MDN1: variants seen among roughly 807,000 people sequenced by gnomAD.
The protein encoded by MDN1 is midasin.
MDN1 carries 266 observed loss-of-function variants against 669.2 expected under a neutral mutation model. The observed-to-expected ratio is 0.40, with a 90% CI of 0.36 to 0.44. The LOEUF is 0.44. Ranked by LOEUF, MDN1 falls within the 20% of genes least tolerant of loss-of-function variation. The probability of loss-of-function intolerance (pLI) is 1.00; values close to 1 mark genes in which losing one functional copy is unlikely to be tolerated. For synonymous variants in MDN1, 2,385 were observed against 2,457.1 expected (o/e 0.97, Z 0.87); for missense variants, 5,940 against 6,754.0 (o/e 0.88, Z 4.22).
chr6:89,648,767 C>T (rs916548854), intron 97 of MDN1, among the ~76,000 whole-genome samples: 1 of 141,764 alleles, frequency 7.1e-6, no homozygotes, highest in African/African-American at 2.7e-5. Context: ...GTTGAGGCTA[C>T]AGTGAGCCAC....
intron 69 of MDN1, among the ~76,000 whole-genome samples, 180 bp from the exon 70 acceptor site, chr6:89,686,153 G>T (rs1262284470): frequency 6.6e-6 from 1 of 152,190 alleles, no homozygotes; most frequent in East Asian, 1.9e-4. Context: ...AGGCCGGTGT[G>T]GTGGCTCACG....
chr6:89,675,382 C>T (rs1426735713), intron 78 of MDN1, 82 bp downstream of exon 78: 1 of 1,150,582 alleles, frequency 8.7e-7, no homozygotes. Context: ...TCTTATTCCT[C>T]TCCCCACATG....
At chr6:89,672,057 T>C (rs1206320032) in intron 82 of MDN1, 143 bp downstream of exon 82, 3 of 783,528 alleles carry the variant, frequency 3.8e-6, no homozygotes, top group Admixed American at 3.7e-5. Flanking sequence ...ACTTTGCACG[T>C]ATAAATAAAG....
chr6:89,741,955 G>C (rs1816319376), intron 31 of MDN1, among the ~76,000 whole-genome samples: 1 of 151,910 alleles, frequency 6.6e-6, no homozygotes, highest in Non-Finnish European at 1.5e-5. Context: ...ACAAAAATTA[G>C]CTGGGAGTGG....
rs1435405422 is a variant in MDN1, at chr6:89,781,574, G to A, written c.1468C>T (p.Pro490Ser). The A allele has an allele frequency of 4.4e-6, 7 of 1,605,660 alleles. No homozygotes were observed. Among genetic ancestry groups the A allele is most frequent in the Non-Finnish European group, 6.0e-6 (7 of 1,174,944 alleles). Residue 490 changes from proline to serine, a missense_variant, in exon 10 of 102, where the codon CCT becomes TCT. Around this residue, in one of 5 missense-constraint regions of MDN1, gnomAD observed 1,203 missense variants for 1,268.9 expected, o/e 0.95. Transcript: ENST00000369393. ...TGATCAACCACTGCCAATAGGCTAGGATATCTGCTCTGAAGAACCTGACAG... is the reference window on the plus strand; with the variant it reads ...TGATCAACCACTGCCAATAGGCTAGAATATCTGCTCTGAAGAACCTGACAG... The part of the protein sequence containing the change: ...ELNEVLQSRY[P>S]SLLAVVDHLL...
rs565438867 is a variant in MDN1, at chr6:89,745,362, G to A, written c.4089C>T (p.Ile1363=). The stretch of plus-strand genomic sequence containing the variant: ...GTCTCCGCATGCCCTCAGTCCACAC[G>A]ATATGGCCAAAGTTACACTCCAATG... ...ISTLECNFGH[I]VWTEGMRRLA... is the part of the protein sequence containing the mutation. The change falls in exon 29 of 102, where the codon ATC becomes ATT. Residue 1363 remains isoleucine (I), a synonymous_variant. Coordinates refer to ENST00000369393, the MANE Select transcript of MDN1 (RefSeq NM_014611.3). 1.4e-5 allele frequency: 23 copies of A among 1,613,912 alleles called. No individual in the cohort carries two copies. Among genetic ancestry groups the A allele is most frequent in the African/African-American group, 9.3e-5 (7 of 74,990 alleles).
chr6:89,710,734 G>A lies in MDN1; in HGVS notation c.7712C>T (p.Ser2571Phe), dbSNP rs1171901435. ...AACATTACTGACTGCACCTGAGAGG[G>A]AATGTGAGTAAAAATTCCTGAGAGA... Reference protein sequence around the residue: ...AASLRNFYSHSLSGAVSNVFK... With the variant: ...AASLRNFYSHFLSGAVSNVFK... The change falls in exon 50 of 102, where the codon TCC (serine) becomes TTC (phenylalanine). Residue 2571 changes from serine (S) to phenylalanine (F), a missense_variant. By Grantham distance (155) the Ser-to-Phe change is radical. This residue lies in a region of MDN1 where 2,292 missense variants were observed against 2,638.3 expected (regional missense o/e 0.87). Coordinates refer to ENST00000369393, the MANE Select transcript of MDN1 (RefSeq NM_014611.3). The A allele has an allele frequency of 1.2e-6, 2 of 1,602,876 alleles. No individual in the cohort carries two copies. The highest frequency in any genetic ancestry group is 1.7e-5 in the Admixed American group (1 of 57,694).
At chr6:89,791,356 AT>A (rs913771746) in intron 5 of MDN1, among the ~76,000 whole-genome samples, 3 of 151,508 alleles carry the variant, frequency 2.0e-5, no homozygotes, top group Non-Finnish European at 4.4e-5. Context: ...TTATGTTGTA[AT>A]TTTTTTTTAG....
chr6:89,752,323 TG>T (rs1378177603), intron 22 of MDN1, among the ~76,000 whole-genome samples: 1 of 152,174 alleles, frequency 6.6e-6, no homozygotes, highest in African/African-American at 2.4e-5. Flanking sequence ...AAAGACCAAC[TG>T]GAAGAGACTG....
Position 89,670,139 on chromosome 6 carries a change from C to CATATATAT in MDN1, c.13956+772_13956+779dup, listed in dbSNP as rs1168606501. 1.2e-3 allele frequency among the ~76,000 whole-genome samples: 59 copies of CATATATAT among 48,908 alleles called. 1 individual carries two copies. Among genetic ancestry groups the CATATATAT allele is most frequent in the Admixed American group, 2.6e-3 (6 of 2,340 alleles). 32.1% of individuals were successfully genotyped at this position (48,908 alleles called of 152,430 possible). On this transcript the variant is annotated intron_variant, in intron 83 of 101. Transcript: ENST00000369393. The stretch of plus-strand genomic sequence containing the variant: ...TTTGGAGACTCTGTCTCCAAAAAAA[C>CATATATAT]ATATATATATATATATATATATATA...
chr6:89,772,603 A>G lies in MDN1; in HGVS notation c.2053T>C (p.Ser685Pro). 1 of 1,614,076 alleles carries G rather than the reference A, an allele frequency of 6.2e-7. No homozygotes were observed. Among genetic ancestry groups the G allele is most frequent in the East Asian group, 2.2e-5 (1 of 44,876 alleles). ...ATGTGAGCCAAGTATTGGATGGTAG[A>G]GGTTTTGCCAGTCCCGGTCTCTCCC... The part of the protein sequence containing the change: ...LVGETGTGKT[S>P]TIQYLAHITG... Residue 685 changes from serine (S) to proline (P), a missense_variant, in exon 14 of 102, where the codon TCT (serine) becomes CCT (proline). Ser to Pro is a moderately conservative substitution (Grantham distance 74). This residue lies in a region of MDN1 where 1,203 missense variants were observed against 1,268.9 expected (regional missense o/e 0.95). Transcript: ENST00000369393.
At chr6:89,659,685 T>G (rs1169968762) in intron 88 of MDN1, among the ~76,000 whole-genome samples, 1 of 151,722 alleles carries the variant, frequency 6.6e-6, no homozygotes, top group Admixed American at 6.6e-5. Flanking sequence ...AATAGGAAAA[T>G]TTTAGGCCAA....
chr6:89,756,503 T>C (rs1817253877), intron 19 of MDN1, 113 bp from the exon 20 acceptor site: 1 of 554,866 alleles, frequency 1.8e-6, no homozygotes, highest in Non-Finnish European at 3.2e-6. Context: ...GCTTGTAGTA[T>C]AAAATGTCTT....
intron 33 of MDN1, among the ~76,000 whole-genome samples, chr6:89,735,224 AGTATTGACTAAT>A (rs1463911440): frequency 3.3e-5 from 5 of 152,140 alleles, no homozygotes; most frequent in Non-Finnish European, 7.4e-5. Flanking sequence ...GGTTCATTAA[AGTATTGACTAAT>A]GTACCAATAC....
At chr6:89,655,580 CTGATA>C (rs762391672) in intron 92 of MDN1, among the ~76,000 whole-genome samples, 179 bp downstream of exon 92, 9 of 152,188 alleles carry the variant, frequency 5.9e-5, no homozygotes, top group Non-Finnish European at 1.2e-4. Context: ...CCTCTCTCCC[CTGATA>C]TAAGTGTATA....
intron 8 of MDN1, among the ~76,000 whole-genome samples, chr6:89,785,692 G>A (rs1165593394): frequency 6.6e-6 from 1 of 152,158 alleles, no homozygotes; most frequent in African/African-American, 2.4e-5. Context: ...AGGAAAGAAT[G>A]GCCCTTATAC....
At chr6:89,720,273 G>A (rs1190578770) in intron 40 of MDN1, among the ~76,000 whole-genome samples, 2 of 151,786 alleles carry the variant, frequency 1.3e-5, no homozygotes, top group Admixed American at 1.3e-4. Flanking sequence ...TGTTCTACCA[G>A]AGGGTTAAAA....
chr6:89,682,873 G>A (rs1051444661), intron 73 of MDN1, among the ~76,000 whole-genome samples: 17 of 150,982 alleles, frequency 1.1e-4, no homozygotes, highest in Admixed American at 9.9e-4. Flanking sequence ...TTTGAGTCCA[G>A]GAGGTTGAGA....
At position 89,732,718 on chromosome 6, in the gene MDN1, A is replaced by G. The variant is rs755638995; in HGVS notation, c.4781T>C (p.Phe1594Ser). 27 of 1,613,696 alleles carry G rather than the reference A, an allele frequency of 1.7e-5. No homozygotes were observed. The highest frequency in any genetic ancestry group is 2.2e-5 in the Non-Finnish European group (26 of 1,179,918). ...GATACTGACCACACACTTTCTGCCA[A>G]ACTCTTGGTGGGTCAGCCAGTCAAT... ...DFIDWLTHQEFGRKCVVSIRD... is the reference protein window; with the variant it reads ...DFIDWLTHQESGRKCVVSIRD... Residue 1594 changes from phenylalanine (F) to serine (S), a missense_variant, in exon 34 of 102, where the codon TTT becomes TCT. By Grantham distance (155) the Phe-to-Ser change is radical. Coordinates refer to ENST00000369393, the MANE Select transcript of MDN1 (RefSeq NM_014611.3).
Sources: gnomAD v4.1 joint callset for allele counts (sites outside exome capture counted in the v4.1 genomes callset) on GRCh38, gnomAD v4.1.1 for gene constraint, gnomAD v4.1.1 regional missense constraint, MANE v1.5 for transcripts, NCBI Gene and HGNC (gene_info 2026-07-23, HGNC 2026-07-21) for gene names.